The following SNPH variants were observed in gnomAD, a reference collection of about 807,000 sequenced individuals.
SNPH encodes the protein syntaphilin.
A neutral mutation model predicts 36.8 loss-of-function variants in SNPH; 10 were observed. The observed-to-expected ratio is 0.27, with a 90% confidence interval of 0.17 to 0.46. The LOEUF (loss-of-function observed/expected upper bound fraction) is 0.46, where lower values mean the gene tolerates loss of function less well. Among genes scored for constraint, SNPH ranks in the 20% least tolerant of loss-of-function variants. The pLI is 1.00. For missense variants in SNPH, 622 were observed against 744.0 expected, an observed-to-expected ratio of 0.84 and a Z score of 1.91; for synonymous variants, 281 against 312.2, an observed-to-expected ratio of 0.90 and a Z score of 1.05.
rs887732672 is a variant in SNPH at position 1,276,793 on chromosome 20, G to T, written c.-493+10033G>T. 1.1e-4 allele frequency among the ~76,000 whole-genome samples: 16 copies of T among 152,212 alleles called. No individual in the cohort carries two copies. Among genetic ancestry groups the T allele is most frequent in the African/African-American group, 3.9e-4 (16 of 41,460 alleles). ...GTATTCAAACTGGGTCCGGGTGACTGCAGAACAGGAATGTTATTCCGAGAA... is the reference window on the plus strand; with the variant it reads ...GTATTCAAACTGGGTCCGGGTGACTTCAGAACAGGAATGTTATTCCGAGAA... On this transcript the variant is annotated intron_variant, in intron 2 of 6. Transcript: ENST00000381867. This position sits in a 1 kb window ranked among gnomAD's most constrained non-coding sequence, Gnocchi z 4.6.
rs181981477 is a variant in SNPH at position 1,304,269 on chromosome 20, G to T, written c.441-609G>T. ...GCCACCCTGTTCTTATCACTCTCCC[G>T]TTCCACCCACCACTTCTCATCGCTC... On this transcript the variant is annotated intron_variant, in intron 6 of 6. Transcript: ENST00000381867. This position sits in a 1 kb window ranked among gnomAD's most constrained non-coding sequence, Gnocchi z 4.3. Among the ~76,000 whole-genome samples, 1 of 152,042 alleles carries T rather than the reference G, an allele frequency of 6.6e-6. No individual in the cohort carries two copies. The highest frequency in any genetic ancestry group is 2.4e-5 in the African/African-American group (1 of 41,370).
At position 1,271,080 on chromosome 20, in the gene SNPH, A is replaced by G. The variant is rs376749731; in HGVS notation, c.-493+4320A>G. Among the ~76,000 whole-genome samples the G allele has an allele frequency of 3.3e-4, 51 of 152,330 alleles. 1 individual carries two copies. In the South Asian group the frequency reaches 5.6e-3, roughly 17 times the overall value. Reference sequence around the variant, plus strand: ...CAGATATTTATGACGTGTTTGTCGCATACTCAGCACTGTCCTCTGAATTGA... The same window carrying G: ...CAGATATTTATGACGTGTTTGTCGCGTACTCAGCACTGTCCTCTGAATTGA... On this transcript the variant is annotated intron_variant, in intron 2 of 6. Coordinates refer to ENST00000381867, the MANE Select transcript of SNPH (RefSeq NM_001318234.2).
chr20:1,298,027 T>G (rs2088461115), intron 5 of SNPH, among the ~76,000 whole-genome samples: 1 of 152,120 alleles, frequency 6.6e-6, no homozygotes, highest in Non-Finnish European at 1.5e-5. Flanking sequence ...GAAGCAGGTG[T>G]AGGGGAGCTG....
At position 1,296,384 on chromosome 20, in the gene SNPH, C is replaced by G. The variant is rs2088434914; in HGVS notation, c.145C>G (p.Leu49Val). ...TRTHSLMAMS[L>V]PGSRRTSAGS... ...GACCCACAGCCTCATGGCCATGTCC[C>G]TGCCAGGAAGTAGACGGACCTCTGC... The change falls in exon 4 of 7, where the codon CTG becomes GTG. Residue 49 changes from leucine (L) to valine (V), a missense_variant. By Grantham distance (32) the Leu-to-Val change is conservative. Transcript: ENST00000381867. 2 of 1,605,700 alleles carry G rather than the reference C, an allele frequency of 1.2e-6. No individual in the cohort carries two copies. Among genetic ancestry groups the G allele is most frequent in the Non-Finnish European group, 1.7e-6 (2 of 1,176,076 alleles).
At chr20:1,288,779 G>A (rs1366002291) in intron 2 of SNPH, among the ~76,000 whole-genome samples, 2 of 151,812 alleles carry the variant, frequency 1.3e-5, no homozygotes, top group Admixed American at 1.3e-4. Flanking sequence ...CCACCACCTC[G>A]TCCAGCTAAT....
In SNPH at chr20:1,305,694, C is replaced by T; in HGVS notation, c.1257C>T (p.Ala419=). The part of the protein sequence containing the change: ...VVVTVGDELE[A]PEPITRGPTP... ...TGACAGTGGGTGATGAGCTAGAGGC[C>T]CCAGAGCCCATCACCCGTGGACCCA... The change falls in exon 7 of 7, where the codon GCC becomes GCT. Residue 419 remains alanine, a synonymous_variant. Coordinates refer to ENST00000381867, the MANE Select transcript of SNPH (RefSeq NM_001318234.2). The T allele has an allele frequency of 6.2e-7, 1 of 1,610,414 alleles. No homozygotes were observed. Among genetic ancestry groups the T allele is most frequent in the Non-Finnish European group, 8.5e-7 (1 of 1,178,362 alleles).
At chr20:1,292,904 GAAGA>G (rs1434870601) in intron 2 of SNPH, among the ~76,000 whole-genome samples, 1 of 152,208 alleles carries the variant, frequency 6.6e-6, no homozygotes, top group Non-Finnish European at 1.5e-5. Context: ...GGATCCTCCT[GAAGA>G]CACTATTATG....
chr20:1,298,804 TTGTGTGTGTGTGTG>T (rs3038999), intron 5 of SNPH, among the ~76,000 whole-genome samples: 8,680 of 141,156 alleles, frequency 0.061, 539 homozygotes, highest in African/African-American at 0.17. Context: ...TTTTTCTAAT[TTGTGTGTGTGTGTG>T]TGTGTGTGTG....
At chr20:1,302,624 C>T (rs1410803551) in intron 6 of SNPH, among the ~76,000 whole-genome samples, 2 of 152,140 alleles carry the variant, frequency 1.3e-5, no homozygotes, top group Non-Finnish European at 2.9e-5. Context: ...CATTAGCAAT[C>T]ACCGCCAGTT....
Position 1,300,483 on chromosome 20 carries a change from C to A in SNPH, c.291-79C>A, listed in dbSNP as rs144944552. Reference sequence around the variant, plus strand: ...GGCCAGGGATGGTGAGGCTGGTGTCCCCTTGCTCCCCAGAGGTAAAGCACC... The same window carrying A: ...GGCCAGGGATGGTGAGGCTGGTGTCACCTTGCTCCCCAGAGGTAAAGCACC... On this transcript the variant is annotated intron_variant, in intron 5 of 6. Transcript: ENST00000381867. The A allele has an allele frequency of 7.5e-4, 1,128 of 1,511,050 alleles. 2 individuals are homozygous for A. In the African/African-American group the frequency reaches 0.014, roughly 19 times the overall value. The allele number at this position is 1,511,050 out of a possible 1,614,324, so 93.6% of individuals were successfully genotyped here.
intron 2 of SNPH, among the ~76,000 whole-genome samples, chr20:1,273,071 G>A (rs943395623): frequency 2.0e-5 from 3 of 152,336 alleles, no homozygotes; most frequent in African/African-American, 7.2e-5. Flanking sequence ...CAGTGGGTGG[G>A]GTAGTTCCTG....
intron 2 of SNPH, among the ~76,000 whole-genome samples, chr20:1,292,209 G>A (rs1159306053): frequency 6.6e-6 from 1 of 152,182 alleles, no homozygotes; most frequent in Non-Finnish European, 1.5e-5. Context: ...AGTGATAGGA[G>A]AAGTCACTGG....
chr20:1,273,713 A>G (rs2088098306), intron 2 of SNPH, among the ~76,000 whole-genome samples: 1 of 152,222 alleles, frequency 6.6e-6, no homozygotes, highest in Non-Finnish European at 1.5e-5. Context: ...CCTGCCACAC[A>G]GTGATATAGC....
intron 6 of SNPH, among the ~76,000 whole-genome samples, chr20:1,303,841 A>C (rs986475363): frequency 2.6e-5 from 4 of 152,098 alleles, no homozygotes; most frequent in Admixed American, 2.6e-4. Flanking sequence ...ATGGGAATGT[A>C]GGGTTTAGGC....
chr20:1,300,718 G>A lies in SNPH; in HGVS notation c.440+7G>A, dbSNP rs372651789. On this transcript the variant is annotated splice_region_variant and intron_variant, in intron 6 of 6. Transcript: ENST00000381867. ...AGGACCGGCTCCAGGACCGGTGAGC[G>A]GGTGGCCACGAGCAGCCCTGGGGGT... 9.3e-6 allele frequency: 15 copies of A among 1,607,890 alleles called. No homozygotes were observed. Among genetic ancestry groups the A allele is most frequent in the Admixed American group, 3.4e-5 (2 of 59,684 alleles).
At chr20:1,293,309 T>C (rs764678715) in intron 2 of SNPH, among the ~76,000 whole-genome samples, 3 of 152,146 alleles carry the variant, frequency 2.0e-5, no homozygotes, top group African/African-American at 4.8e-5. Context: ...TGCTATGGTG[T>C]GGACAAGATG....
chr20:1,303,431 C>G (rs914435822), intron 6 of SNPH, among the ~76,000 whole-genome samples: 1 of 152,248 alleles, frequency 6.6e-6, no homozygotes, highest in African/African-American at 2.4e-5. Context: ...CAAACTCACT[C>G]TTTCTCCCAG....
intron 5 of SNPH, among the ~76,000 whole-genome samples, chr20:1,299,684 C>T (rs544752952): frequency 1.6e-4 from 25 of 152,192 alleles, no homozygotes; most frequent in African/African-American, 5.1e-4. Flanking sequence ...TGCCCAGAGC[C>T]GGCAGGTGTT....
At chr20:1,278,234 G>GTGTGTGTGTA (rs1427236190) in intron 2 of SNPH, among the ~76,000 whole-genome samples, 1 of 151,780 alleles carries the variant, frequency 6.6e-6, no homozygotes, top group Non-Finnish European at 1.5e-5. Context: ...GTCAGTGTCT[G>GTGTGTGTGTA]TGTGTGTGTA....
Sources: gnomAD v4.1 joint callset for allele counts (sites outside exome capture counted in the v4.1 genomes callset) on GRCh38, gnomAD v4.1.1 for gene constraint, Gnocchi (gnomAD v3.1) non-coding constraint, MANE v1.5 for transcripts, NCBI Gene and HGNC (gene_info 2026-07-23, HGNC 2026-07-21) for gene names.